WDR89: variants seen among roughly 807,000 people sequenced by gnomAD.
WDR89 encodes the protein WD repeat-containing protein 89.
Under a neutral mutation model 29.1 loss-of-function variants are expected in WDR89, and 17 were observed. That is an observed-to-expected ratio of 0.58 (90% CI 0.40 to 0.88). WDR89 has a LOEUF of 0.88. WDR89 is among the 40% of genes least tolerant of loss of function. WDR89 has a pLI of 0.00. For synonymous variants in WDR89, 138 were observed against 157.8 expected, an observed-to-expected ratio of 0.87 and a Z score of 0.94; for missense variants, 396 against 456.3, an observed-to-expected ratio of 0.87 and a Z score of 1.20.
intron 2 of WDR89, among the ~76,000 whole-genome samples, chr14:63,618,713 C>T (rs1410067374): frequency 1.3e-5 from 2 of 151,842 alleles, no homozygotes; most frequent in Non-Finnish European, 2.9e-5. Flanking sequence ...ACAAAAAAAA[C>T]CTGAGTCTTC....
intron 2 of WDR89, among the ~76,000 whole-genome samples, chr14:63,602,772 CAAA>C (rs10638554): frequency 9.8e-6 from 1 of 101,788 alleles, no homozygotes; most frequent in Admixed American, 1.1e-4. Flanking sequence ...AACTCCATCT[CAAA>C]AAAAAAAAAA....
intron 2 of WDR89, among the ~76,000 whole-genome samples, chr14:63,622,621 G>A (rs1377952905): frequency 1.3e-5 from 2 of 151,842 alleles, no homozygotes; most frequent in African/African-American, 2.4e-5. Flanking sequence ...ACCAAAAGTA[G>A]CCAGGCATGG....
chr14:63,607,482 G>A (rs970434520), intron 2 of WDR89, among the ~76,000 whole-genome samples: 1 of 152,108 alleles, frequency 6.6e-6, no homozygotes, highest in African/African-American at 2.4e-5. Flanking sequence ...ATGGAGTAGA[G>A]AACAGTAACA....
intron 2 of WDR89, among the ~76,000 whole-genome samples, chr14:63,617,803 T>C (rs1304463085): frequency 6.6e-6 from 1 of 152,042 alleles, no homozygotes; most frequent in Non-Finnish European, 1.5e-5. Context: ...TACATAGCAA[T>C]AAAAAACATG....
At chr14:63,626,044 G>A (rs1263401854) in intron 1 of WDR89, among the ~76,000 whole-genome samples, 1 of 151,930 alleles carries the variant, frequency 6.6e-6, no homozygotes, top group East Asian at 1.9e-4. Context: ...AGTAGAGATG[G>A]GGTTTCACCA....
At chr14:63,623,311 A>G (rs2139545758) in intron 2 of WDR89, among the ~76,000 whole-genome samples, 1 of 152,184 alleles carries the variant, frequency 6.6e-6, no homozygotes, top group East Asian at 1.9e-4. Flanking sequence ...TCATAGAGAA[A>G]AAGTACCCAA....
chr14:63,607,207 G>A (rs1357683444), intron 2 of WDR89, among the ~76,000 whole-genome samples: 2 of 152,036 alleles, frequency 1.3e-5, no homozygotes, highest in African/African-American at 4.8e-5. Flanking sequence ...CTGTTGCCCA[G>A]GCTGGACTGC....
chr14:63,611,627 G>A (rs1426169562), intron 2 of WDR89, among the ~76,000 whole-genome samples: 1 of 151,902 alleles, frequency 6.6e-6, no homozygotes, highest in Non-Finnish European at 1.5e-5. Flanking sequence ...TTAACATTAG[G>A]GAGGCTGGGT....
At chr14:63,623,749 T>C (rs907882911) in intron 2 of WDR89, among the ~76,000 whole-genome samples, 1 of 137,812 alleles carries the variant, frequency 7.3e-6, no homozygotes, top group African/African-American at 2.7e-5. Context: ...ACACCAACAA[T>C]TACATTAAAT....
Position 63,612,425 on chromosome 14 carries a change from G to C in WDR89, c.-31-12452C>G, listed in dbSNP as rs138843536. Among the ~76,000 whole-genome samples the C allele has an allele frequency of 4.4e-3, 671 of 151,406 alleles. 17 individuals are homozygous for C. The highest frequency in any genetic ancestry group is 0.039 in the Admixed American group (584 of 15,158). On this transcript the variant is annotated intron_variant, in intron 2 of 2. Transcript: ENST00000620954. ...ACTGCAACCTCTGCCTCCCGGGCTA[G>C]AGTGTAGTGGTGGGATCTCTGCTCA...
chr14:63,622,414 T>C (rs1374876621), intron 2 of WDR89, among the ~76,000 whole-genome samples: 1 of 151,892 alleles, frequency 6.6e-6, no homozygotes, highest in Non-Finnish European at 1.5e-5. Flanking sequence ...AGCCCTTCTC[T>C]ACAAAAATAC....
At chr14:63,638,400 A>T (rs1883888047) in intron 1 of WDR89, among the ~76,000 whole-genome samples, 1 of 152,262 alleles carries the variant, frequency 6.6e-6, no homozygotes, top group Non-Finnish European at 1.5e-5. Context: ...CACCATAGGC[A>T]ACATAGTGAG....
intron 1 of WDR89, among the ~76,000 whole-genome samples, chr14:63,637,433 G>T (rs1197914021): frequency 6.6e-6 from 1 of 152,148 alleles, no homozygotes; most frequent in African/African-American, 2.4e-5. Flanking sequence ...CAGAGGAAAA[G>T]TCATTATTTG....
intron 2 of WDR89, among the ~76,000 whole-genome samples, chr14:63,604,947 A>C (rs940004620): frequency 2.6e-5 from 4 of 152,096 alleles, no homozygotes; most frequent in Non-Finnish European, 5.9e-5. Flanking sequence ...TAGGAGTTTG[A>C]AACCAGCCTG....
At chr14:63,632,063 C>T (rs891225049) in intron 1 of WDR89, among the ~76,000 whole-genome samples, 1 of 150,976 alleles carries the variant, frequency 6.6e-6, no homozygotes, top group African/African-American at 2.4e-5. Flanking sequence ...AGTGAGCCGA[C>T]AGTGCACCAC....
chr14:63,629,438 C>G (rs537701506), intron 1 of WDR89, among the ~76,000 whole-genome samples: 1 of 152,336 alleles, frequency 6.6e-6, no homozygotes, highest in African/African-American at 2.4e-5. Context: ...TCAACCCATG[C>G]TCCCAATTTC....
At chr14:63,615,609 G>C (rs1443476905) in intron 2 of WDR89, among the ~76,000 whole-genome samples, 1 of 152,152 alleles carries the variant, frequency 6.6e-6, no homozygotes, top group Non-Finnish European at 1.5e-5. Context: ...CTGCTCTAAA[G>C]TTCTTAAGAA....
chr14:63,639,177 C>T (rs1488372748), intron 1 of WDR89, among the ~76,000 whole-genome samples: 1 of 152,104 alleles, frequency 6.6e-6, no homozygotes, highest in Non-Finnish European at 1.5e-5. Context: ...AACACTTTGA[C>T]TTTAGTCCAG....
Position 63,598,855 on chromosome 14 carries a change from A to T in WDR89, c.1088T>A (p.Met363Lys), listed in dbSNP as rs369959005. The part of the protein sequence containing the change: ...IEKTFTKKES[M>K]KIASSVHQRV... ...TTGGTGCACAGAGGATGCTATTTTCATACTCTCTTTCTTTGTAAAGGTCTT... is the reference window on the plus strand; with the variant it reads ...TTGGTGCACAGAGGATGCTATTTTCTTACTCTCTTTCTTTGTAAAGGTCTT... Residue 363 changes from methionine to lysine, a missense_variant, in exon 3 of 3, where the codon ATG becomes AAG. Coordinates refer to ENST00000620954, the MANE Select transcript of WDR89 (RefSeq NM_080666.4). 2 of 1,614,102 alleles carry T rather than the reference A, an allele frequency of 1.2e-6. No homozygotes were observed. The highest frequency in any genetic ancestry group is 1.7e-6 in the Non-Finnish European group (2 of 1,179,998).
Sources: allele counts gnomAD v4.1 joint callset (sites outside exome capture counted in the v4.1 genomes callset), GRCh38; gene constraint gnomAD v4.1.1; transcripts MANE v1.5; gene names NCBI Gene and HGNC (gene_info 2026-07-23, HGNC 2026-07-21).